Variants in CFAP299 observed in about 807,000 individuals in gnomAD.
The protein encoded by CFAP299 is cilia- and flagella-associated protein 299.
A neutral mutation model predicts 27.0 loss-of-function variants in CFAP299; 21 were observed. The observed-to-expected ratio is 0.78, with a 90% CI of 0.55 to 1.12. The LOEUF is 1.12. Among genes scored for constraint, CFAP299 ranks in the 50% most tolerant of loss-of-function variants. The pLI is 0.00. For missense variants in CFAP299, 310 were observed against 276.6 expected, an observed-to-expected ratio of 1.12 and a Z score of -0.86; for synonymous variants, 104 against 98.1, an observed-to-expected ratio of 1.06 and a Z score of -0.36.
intron 3 of CFAP299, among the ~76,000 whole-genome samples, 178 bp from the exon 4 acceptor site, chr4:80,869,815 A>C (rs1732974707): frequency 1.3e-5 from 2 of 152,158 alleles, no homozygotes; most frequent in African/African-American, 4.8e-5. Context: ...TGGGCGAGTA[A>C]CATGTGTTTT....
At chr4:80,794,375 G>T (rs1321211473) in intron 3 of CFAP299, among the ~76,000 whole-genome samples, 1 of 152,158 alleles carries the variant, frequency 6.6e-6, no homozygotes, top group African/African-American at 2.4e-5. Flanking sequence ...GGCAAGTGTT[G>T]CCACTTCCAC....
At chr4:80,943,573 C>A (rs775592830) in intron 4 of CFAP299, among the ~76,000 whole-genome samples, 1 of 151,698 alleles carries the variant, frequency 6.6e-6, no homozygotes, top group Non-Finnish European at 1.5e-5. Flanking sequence ...ATTTTAAAAG[C>A]AAATATAGTA....
chr4:80,580,936 T>G (rs1319686098), intron 2 of CFAP299, among the ~76,000 whole-genome samples: 1 of 152,012 alleles, frequency 6.6e-6, no homozygotes, highest in Non-Finnish European at 1.5e-5. Flanking sequence ...AGATGTTTCA[T>G]CAGTGTCTCA....
intron 2 of CFAP299, among the ~76,000 whole-genome samples, chr4:80,450,852 A>C (rs1213336004): frequency 6.6e-6 from 1 of 151,388 alleles, no homozygotes; most frequent in Non-Finnish European, 1.5e-5. Flanking sequence ...GCTCAAGCAG[A>C]GTTAGGCAAG....
chr4:80,801,899 T>C (rs932686805), intron 3 of CFAP299, among the ~76,000 whole-genome samples: 4 of 152,126 alleles, frequency 2.6e-5, no homozygotes, highest in African/African-American at 9.7e-5. Flanking sequence ...AATGCAATCC[T>C]TAAGTTTTTT....
At chr4:80,659,819 A>G (rs1740746666) in intron 3 of CFAP299, among the ~76,000 whole-genome samples, 1 of 152,120 alleles carries the variant, frequency 6.6e-6, no homozygotes, top group African/African-American at 2.4e-5. Context: ...ATTTCAAGGT[A>G]ACCAAATAAG....
intron 3 of CFAP299, among the ~76,000 whole-genome samples, chr4:80,598,985 G>GT (rs769303287): frequency 6.6e-6 from 1 of 152,138 alleles, no homozygotes; most frequent in Non-Finnish European, 1.5e-5. Context: ...CCAAAAGATG[G>GT]TATGCGGCAT....
intron 2 of CFAP299, among the ~76,000 whole-genome samples, chr4:80,375,114 A>G (rs1182637656): frequency 6.6e-6 from 1 of 152,108 alleles, no homozygotes; most frequent in Non-Finnish European, 1.5e-5. Context: ...GCAGAGAGAG[A>G]CTTTTGAGGA....
At chr4:80,518,580 G>A (rs183047259) in intron 2 of CFAP299, among the ~76,000 whole-genome samples, 3 of 152,076 alleles carry the variant, frequency 2.0e-5, no homozygotes, top group Admixed American at 6.6e-5. Flanking sequence ...TTAGCACATC[G>A]TTTTAAGAGG....
rs1214693881 is a variant in CFAP299 at position 80,883,609 on chromosome 4, ATAAT to A, written c.476+13478_476+13481del. Reference sequence around the variant, plus strand: ...CATGAAAAAAATGTTACATAAAGTAATAATTAAAAGAGAGCAGGAGTGTCTAATC... The same window carrying A: ...CATGAAAAAAATGTTACATAAAGTAATAAAAGAGAGCAGGAGTGTCTAATC... On this transcript the variant is annotated intron_variant, in intron 4 of 5. Coordinates refer to ENST00000358105, the MANE Select transcript of CFAP299 (RefSeq NM_152770.3). Among the ~76,000 whole-genome samples, 44 of 152,318 alleles carry A rather than the reference ATAAT, an allele frequency of 2.9e-4. No homozygotes were observed. In the East Asian group the frequency reaches 4.2e-3, roughly 15 times the overall value.
intron 3 of CFAP299, among the ~76,000 whole-genome samples, chr4:80,656,300 C>T (rs563307530): frequency 1.4e-4 from 21 of 152,120 alleles, no homozygotes; most frequent in African/African-American, 3.4e-4. Flanking sequence ...TAGGTATACA[C>T]GTGCCATGGT....
At chr4:80,530,076 G>T (rs1318322598) in intron 2 of CFAP299, among the ~76,000 whole-genome samples, 1 of 152,088 alleles carries the variant, frequency 6.6e-6, no homozygotes, top group Admixed American at 6.5e-5. Context: ...TAAAATGCAT[G>T]TGAGTTAGCA....
chr4:80,328,158 G>A, the CFAP299 span, among the ~76,000 whole-genome samples: 1 of 151,956 alleles, frequency 6.6e-6, no homozygotes. Context: ...TGAGGAAGGG[G>A]TGATGATAAA....
chr4:80,553,027 T>A (rs1359320253), intron 2 of CFAP299, among the ~76,000 whole-genome samples: 4 of 152,014 alleles, frequency 2.6e-5, no homozygotes, highest in African/African-American at 9.7e-5. Flanking sequence ...TATTTTAGAT[T>A]TGGGATACAC....
chr4:80,688,937 G>A (rs1720437949), intron 3 of CFAP299, among the ~76,000 whole-genome samples: 1 of 152,096 alleles, frequency 6.6e-6, no homozygotes, highest in African/African-American at 2.4e-5. Flanking sequence ...GGAAGAAAGG[G>A]TATCAGCGAT....
At chr4:80,655,406 A>G (rs1203998656) in intron 3 of CFAP299, among the ~76,000 whole-genome samples, 2 of 152,196 alleles carry the variant, frequency 1.3e-5, no homozygotes, top group Non-Finnish European at 2.9e-5. Flanking sequence ...TTCTGGAATC[A>G]TGACAGGAAA....
At chr4:80,820,737 G>A (rs979488908) in intron 3 of CFAP299, among the ~76,000 whole-genome samples, 5 of 152,126 alleles carry the variant, frequency 3.3e-5, no homozygotes, top group East Asian at 3.8e-4. Flanking sequence ...TTCTCTTTGC[G>A]TCCGCATTTC....
chr4:80,664,790 T>C (rs781741199), intron 3 of CFAP299, among the ~76,000 whole-genome samples: 9 of 152,160 alleles, frequency 5.9e-5, no homozygotes, highest in Non-Finnish European at 8.8e-5. Flanking sequence ...AAAAAACTCC[T>C]GCAGCTAGCT....
chr4:80,920,106 T>C (rs1735971801), intron 4 of CFAP299, among the ~76,000 whole-genome samples: 1 of 152,126 alleles, frequency 6.6e-6, no homozygotes, highest in Non-Finnish European at 1.5e-5. Flanking sequence ...TACTCTTGTA[T>C]GCCCCTTTTC....
Sources: allele counts gnomAD v4.1 joint callset (sites outside exome capture counted in the v4.1 genomes callset), GRCh38; gene constraint gnomAD v4.1.1; transcripts MANE v1.5; gene names NCBI Gene and HGNC (gene_info 2026-07-23, HGNC 2026-07-21).